MYT1L: variants seen among roughly 807,000 people sequenced by gnomAD.
MYT1L encodes myelin transcription factor 1 like, also known as myelin transcription factor 1-like protein.
A neutral mutation model predicts 126.7 loss-of-function variants in MYT1L; 12 were observed. The ratio of observed to expected loss-of-function variants is 0.09; its 90% confidence interval spans 0.06 to 0.15. The LOEUF (loss-of-function observed/expected upper bound fraction) is 0.15, where lower values mean the gene tolerates loss of function less well. Ranked by LOEUF, MYT1L falls within the 10% of genes least tolerant of loss-of-function variation. The pLI is 1.00. For synonymous variants in MYT1L, 541 were observed against 604.2 expected, an observed-to-expected ratio of 0.90 and a Z score of 1.53; for missense variants, 979 against 1,585.2, an observed-to-expected ratio of 0.62 and a Z score of 6.49.
chr2:2,021,914 G>A (rs2065075949), intron 4 of MYT1L, among the ~76,000 whole-genome samples: 1 of 151,932 alleles, frequency 6.6e-6, no homozygotes, highest in South Asian at 2.1e-4. Flanking sequence ...AAAAAAAAAA[G>A]TGTAAGTTTA....
chr2:1,934,800 T>G (rs535913665), intron 9 of MYT1L, among the ~76,000 whole-genome samples: 6 of 151,644 alleles, frequency 4.0e-5, no homozygotes, highest in Non-Finnish European at 8.8e-5. Context: ...CTGGATCAGT[T>G]GGATGACCGT....
At chr2:2,131,697 C>A (rs141453368) in intron 3 of MYT1L, among the ~76,000 whole-genome samples, 2 of 152,048 alleles carry the variant, frequency 1.3e-5, no homozygotes, top group African/African-American at 2.4e-5. Context: ...CTGGGGAGGA[C>A]TTGCAAGAGC....
chr2:1,922,749 C>T lies in MYT1L; in HGVS notation c.1020G>A (p.Lys340=). 1 of 1,613,984 alleles carries T rather than the reference C, an allele frequency of 6.2e-7. No homozygotes were observed. ...TCTCCTGCGGGTTGGTCTCACTGAG[C>T]TTCCTGGCCAGGTCGAAGCACTGAT... ...LRNQCFDLAR[K]LSETNPQERN... is the part of the protein sequence containing the mutation. Residue 340 remains lysine, a synonymous_variant, in exon 10 of 25, where the codon AAG becomes AAA. Coordinates refer to ENST00000647738, the MANE Select transcript of MYT1L (RefSeq NM_001303052.2). This position sits in a 1 kb window ranked among gnomAD's most constrained non-coding sequence, Gnocchi z 7.4.
intron 8 of MYT1L, among the ~76,000 whole-genome samples, chr2:1,948,882 C>T (rs1489332237): frequency 2.0e-5 from 3 of 152,176 alleles, no homozygotes; most frequent in Non-Finnish European, 4.4e-5. Context: ...ACTCACATAT[C>T]CTCTCCTAGA....
Position 1,806,429 on chromosome 2 carries a change from C to T in MYT1L, c.3172+2647G>A, listed in dbSNP as rs2035729965. Among the ~76,000 whole-genome samples the T allele has an allele frequency of 6.6e-6, 1 of 152,216 alleles. No homozygotes were observed. Among genetic ancestry groups the T allele is most frequent in the African/African-American group, 2.4e-5 (1 of 41,456 alleles). The stretch of plus-strand genomic sequence containing the variant: ...AGCGACCTGGCTGAAGGCTGCCCAG[C>T]AGCAGCAGCTGGGCCCAGCGGGCGG... On this transcript the variant is annotated intron_variant, in intron 22 of 24. Coordinates refer to ENST00000647738, the MANE Select transcript of MYT1L (RefSeq NM_001303052.2). This position sits in a 1 kb window ranked among gnomAD's most constrained non-coding sequence, Gnocchi z 4.9.
intron 2 of MYT1L, among the ~76,000 whole-genome samples, chr2:2,240,672 A>G (rs978316916): frequency 1.3e-5 from 2 of 152,196 alleles, no homozygotes; most frequent in South Asian, 2.1e-4. Context: ...GAACGTGACA[A>G]TTAGTGTCGC....
At chr2:2,220,330 G>A (rs1049870959) in intron 2 of MYT1L, among the ~76,000 whole-genome samples, 3 of 152,116 alleles carry the variant, frequency 2.0e-5, no homozygotes, top group Non-Finnish European at 2.9e-5. Context: ...GGGTTTGGTG[G>A]GGGTCCTTCC....
Position 1,979,869 on chromosome 2 carries a change from TG to T in MYT1L, c.1-93del. 7.7e-7 allele frequency: 1 copy of T among 1,305,182 alleles called. No homozygotes were observed. Among genetic ancestry groups the T allele is most frequent in the Non-Finnish European group, 1.1e-6 (1 of 914,118 alleles). 80.9% of individuals were successfully genotyped at this position (1,305,182 alleles called of 1,614,324 possible). A position where few individuals can be genotyped will look rare whatever the true frequency, so the allele number is the denominator to read the frequency against. On this transcript the variant is annotated intron_variant, in intron 5 of 24. Coordinates refer to ENST00000647738, the MANE Select transcript of MYT1L (RefSeq NM_001303052.2). This position sits in a 1 kb window ranked among gnomAD's most constrained non-coding sequence, Gnocchi z 4.0. ...CTCACTCTCCCTGGCATTCTATTAATGGGGCTTTAATCCTGTTTCCCTCCAT... is the reference window on the plus strand; with the variant it reads ...CTCACTCTCCCTGGCATTCTATTAATGGGCTTTAATCCTGTTTCCCTCCAT...
chr2:2,104,231 G>A (rs908469285), intron 3 of MYT1L, among the ~76,000 whole-genome samples: 1 of 152,148 alleles, frequency 6.6e-6, no homozygotes, highest in African/African-American at 2.4e-5. Flanking sequence ...AAGAAAAAGG[G>A]AGTCAACTAG....
At chr2:2,243,960 C>T (rs1212044486) in intron 2 of MYT1L, among the ~76,000 whole-genome samples, 1 of 152,124 alleles carries the variant, frequency 6.6e-6, no homozygotes, top group Non-Finnish European at 1.5e-5. Context: ...ATTGGCAGCG[C>T]ACACTGACAG....
chr2:1,841,355 G>A (rs7576920), intron 19 of MYT1L: 66,280 of 144,670 alleles, frequency 0.46, 16,841 homozygotes, highest in African/African-American at 0.72. Flanking sequence ...TAGTAGAGAC[G>A]GGGTTTCATC....
intron 13 of MYT1L, among the ~76,000 whole-genome samples, chr2:1,907,748 TTC>T (rs1432605078): frequency 1.3e-5 from 2 of 152,278 alleles, no homozygotes; most frequent in Non-Finnish European, 2.9e-5. Flanking sequence ...TTTAACTTCA[TTC>T]TCTTTTCTTC....
intron 3 of MYT1L, among the ~76,000 whole-genome samples, chr2:2,118,799 C>T (rs1417371028): frequency 6.6e-6 from 1 of 152,162 alleles, no homozygotes; most frequent in Non-Finnish European, 1.5e-5. Context: ...CCCTCCCAGA[C>T]TAAACTACCA....
At chr2:1,934,182 G>C (rs1051149719) in intron 9 of MYT1L, among the ~76,000 whole-genome samples, 1 of 151,266 alleles carries the variant, frequency 6.6e-6, no homozygotes, top group Admixed American at 6.6e-5. Context: ...CATCGTGTTA[G>C]CCAGGATGGT....
chr2:1,889,320 C>T lies in MYT1L; in HGVS notation c.2441G>A (p.Gly814Asp), dbSNP rs1399568404. The T allele has an allele frequency of 1.9e-6, 3 of 1,613,690 alleles. No homozygotes were observed. Among genetic ancestry groups the T allele is most frequent in the Non-Finnish European group, 2.5e-6 (3 of 1,179,886 alleles). The change falls in exon 16 of 25, where the codon GGC becomes GAC. Residue 814 changes from glycine to aspartate, a missense_variant. By Grantham distance (94) the Gly-to-Asp change is moderately conservative. This residue lies in a region of MYT1L where 141 missense variants were observed against 170.6 expected (regional missense o/e 0.83). Transcript: ENST00000647738. This position sits in a 1 kb window ranked among gnomAD's most constrained non-coding sequence, Gnocchi z 4.1. ...MNNRCFQLGE[G>D]DCWDLPVDYT... ...GTCTACGGGCAAGTCCCAGCAGTCG[C>T]CCTCGCCCAGCTGGAAACACCGGTT...
chr2:2,092,912 C>T lies in MYT1L; in HGVS notation c.-303-38789G>A, dbSNP rs535600284. On this transcript the variant is annotated intron_variant, in intron 3 of 24. Transcript: ENST00000647738. ...TCAGGAGACCGGGCATCGCCCTGCC[C>T]TTTAGCAGCTGAAGGTGTGTGCTGG... Among the ~76,000 whole-genome samples, 4 of 152,286 alleles carry T rather than the reference C, an allele frequency of 2.6e-5. No individual in the cohort carries two copies. In the East Asian group the frequency reaches 7.7e-4, roughly 29 times the overall value.
chr2:2,127,988 G>C (rs1214969234), intron 3 of MYT1L, among the ~76,000 whole-genome samples: 1 of 152,148 alleles, frequency 6.6e-6, no homozygotes, highest in Non-Finnish European at 1.5e-5. Context: ...GATTTGCTGT[G>C]ATCATTGAAT....
At chr2:2,061,122 T>G (rs911809494) in intron 3 of MYT1L, among the ~76,000 whole-genome samples, 1 of 152,192 alleles carries the variant, frequency 6.6e-6, no homozygotes, top group Admixed American at 6.5e-5. Flanking sequence ...ACAGATAATT[T>G]TGAGGCAGAT....
intron 22 of MYT1L, among the ~76,000 whole-genome samples, chr2:1,803,349 C>G (rs2035177529): frequency 6.6e-6 from 1 of 152,306 alleles, no homozygotes; most frequent in East Asian, 1.9e-4. Flanking sequence ...AGCTTCGACC[C>G]TCTACAGCTG....
Sources: allele counts gnomAD v4.1 joint callset (sites outside exome capture counted in the v4.1 genomes callset), GRCh38; gene constraint gnomAD v4.1.1; regional missense constraint gnomAD v4.1.1; non-coding constraint Gnocchi (gnomAD v3.1); transcripts MANE v1.5; gene names NCBI Gene and HGNC (gene_info 2026-07-23, HGNC 2026-07-21).